The following COL21A1 variants were observed in gnomAD, a reference collection of about 807,000 sequenced individuals.
The protein encoded by COL21A1 is collagen alpha-1(XXI) chain.
In COL21A1, 149 loss-of-function variants were observed where a neutral mutation model predicts 137.9. That is an observed-to-expected ratio of 1.08 (90% confidence interval 0.95 to 1.24). COL21A1 has a LOEUF of 1.24. Ranked by LOEUF, COL21A1 falls within the 50% of genes most tolerant of loss-of-function variation. COL21A1 has a pLI of 0.00. For missense variants in COL21A1, 1,167 were observed against 1,158.4 expected, an observed-to-expected ratio of 1.01 and a Z score of -0.11; for synonymous variants, 456 against 391.5, an observed-to-expected ratio of 1.16 and a Z score of -1.95.
intron 16 of COL21A1, among the ~76,000 whole-genome samples, chr6:56,109,792 C>G (rs1771255592): frequency 6.6e-6 from 1 of 151,902 alleles, no homozygotes; most frequent in Non-Finnish European, 1.5e-5. Flanking sequence ...GACAAATTCA[C>G]TGAAAGGTAC....
At chr6:56,186,315 A>G (rs1461154794) in intron 1 of COL21A1, among the ~76,000 whole-genome samples, 1 of 152,220 alleles carries the variant, frequency 6.6e-6, no homozygotes, top group Non-Finnish European at 1.5e-5. Flanking sequence ...CTCATTTATG[A>G]TAAAACTTTC....
At chr6:56,340,203 G>C (rs566871842) in intron 1 of COL21A1, among the ~76,000 whole-genome samples, 9 of 152,284 alleles carry the variant, frequency 5.9e-5, no homozygotes, top group East Asian at 1.9e-4. Context: ...TCAGTGGCCT[G>C]TTCATCAGTC....
At chr6:56,306,269 T>A (rs1221980173) in intron 1 of COL21A1, among the ~76,000 whole-genome samples, 2 of 147,190 alleles carry the variant, frequency 1.4e-5, no homozygotes, top group South Asian at 2.4e-4. Flanking sequence ...TGAATCTGAA[T>A]GTTGGCCTGC....
intron 1 of COL21A1, among the ~76,000 whole-genome samples, chr6:56,303,994 C>A (rs1287096928): frequency 6.6e-6 from 1 of 151,954 alleles, no homozygotes; most frequent in South Asian, 2.1e-4. Flanking sequence ...GAGAATCATG[C>A]GGTTTTTGTC....
intron 1 of COL21A1, among the ~76,000 whole-genome samples, chr6:56,331,484 G>T (rs1242317396): frequency 6.6e-6 from 1 of 151,812 alleles, no homozygotes; most frequent in Non-Finnish European, 1.5e-5. Flanking sequence ...CCAGTTTCAC[G>T]CTTCTGTATA....
intron 1 of COL21A1, among the ~76,000 whole-genome samples, chr6:56,216,998 G>T (rs1176801580): frequency 6.6e-6 from 1 of 151,984 alleles, no homozygotes; most frequent in East Asian, 1.9e-4. Flanking sequence ...ACATTCAGTT[G>T]TGCACATATT....
chr6:56,200,697 A>C (rs529668336), intron 1 of COL21A1, among the ~76,000 whole-genome samples: 8 of 151,946 alleles, frequency 5.3e-5, no homozygotes, highest in East Asian at 3.9e-4. Context: ...TTCATCCAGT[A>C]TATCATTGTT....
chr6:56,090,781 A>T (rs1459993655), intron 17 of COL21A1, among the ~76,000 whole-genome samples: 2 of 151,770 alleles, frequency 1.3e-5, no homozygotes, highest in East Asian at 3.8e-4. Flanking sequence ...TTCAAATTGT[A>T]CTATCCAAAT....
At chr6:56,379,187 A>G (rs1230054868) in intron 1 of COL21A1, among the ~76,000 whole-genome samples, 1 of 152,252 alleles carries the variant, frequency 6.6e-6, no homozygotes, top group Admixed American at 6.5e-5. Context: ...AACATCTACA[A>G]GTATCAAGAC....
intron 1 of COL21A1, among the ~76,000 whole-genome samples, chr6:56,189,143 C>G (rs1052592822): frequency 1.3e-5 from 2 of 151,980 alleles, no homozygotes; most frequent in Non-Finnish European, 2.9e-5. Context: ...AAGTAGGCTT[C>G]AGAAGGTGGG....
chr6:56,068,101 A>G (rs1398128036), intron 22 of COL21A1, among the ~76,000 whole-genome samples: 1 of 151,678 alleles, frequency 6.6e-6, no homozygotes, highest in Non-Finnish European at 1.5e-5. Context: ...GATTTACTTA[A>G]CATTTACTAA....
At position 56,124,229 on chromosome 6, in the gene COL21A1, T is replaced by C. The variant is rs913226660; in HGVS notation, c.1704+10A>G. 3.8e-6 allele frequency: 6 copies of C among 1,592,788 alleles called. No individual in the cohort carries two copies. Among genetic ancestry groups the C allele is most frequent in the East Asian group, 4.5e-5 (2 of 44,266 alleles). ...GCAAAATACTAAGAGCTTTTTTCTATCAAACTCACAGCAGGTCCAGGGAGG... is the reference window on the plus strand; with the variant it reads ...GCAAAATACTAAGAGCTTTTTTCTACCAAACTCACAGCAGGTCCAGGGAGG... On this transcript the variant is annotated intron_variant, in intron 15 of 29. Transcript: ENST00000244728.
At chr6:56,223,149 G>C (rs1164947866) in intron 1 of COL21A1, among the ~76,000 whole-genome samples, 1 of 152,024 alleles carries the variant, frequency 6.6e-6, no homozygotes, top group Admixed American at 6.6e-5. Flanking sequence ...GGGATAATCA[G>C]TTCATGTATT....
chr6:56,179,519 A>T, intron 3 of COL21A1, 59 bp downstream of exon 3: 1 of 1,290,110 alleles, frequency 7.8e-7, no homozygotes, highest in Admixed American at 2.5e-5. Context: ...TTATATCAAA[A>T]TGTAAAAAGC....
At chr6:56,227,529 C>G (rs1781283769) in intron 1 of COL21A1, among the ~76,000 whole-genome samples, 1 of 151,982 alleles carries the variant, frequency 6.6e-6, no homozygotes, top group Non-Finnish European at 1.5e-5. Flanking sequence ...AACTTCAGAT[C>G]CTGTCTTGAC....
At position 56,159,974 on chromosome 6, in the gene COL21A1, CTGGTCAA is replaced by C. The variant is rs201205502; in HGVS notation, c.1372-3032_1372-3026del. Among the ~76,000 whole-genome samples the C allele has an allele frequency of 5.3e-3, 805 of 152,192 alleles. 17 individuals are homozygous for C. The highest frequency in any genetic ancestry group is 0.049 in the East Asian group (255 of 5,178). On this transcript the variant is annotated intron_variant, in intron 9 of 29. Transcript: ENST00000244728. ...TAAATCCAATGTGACTTCATAAAGA[CTGGTCAA>C]CAGTCTTTATGACACTGGTCAACAG...
intron 1 of COL21A1, among the ~76,000 whole-genome samples, chr6:56,259,704 T>C (rs1486232417): frequency 6.6e-6 from 1 of 152,198 alleles, no homozygotes; most frequent in Admixed American, 6.5e-5. Context: ...CTTGGGAGAG[T>C]TATGCATTAT....
At chr6:56,116,237 G>C (rs566726133) in intron 16 of COL21A1, among the ~76,000 whole-genome samples, 1 of 151,620 alleles carries the variant, frequency 6.6e-6, no homozygotes, top group East Asian at 1.9e-4. Context: ...AACTCTACAA[G>C]GTCAAGGATA....
chr6:56,062,224 G>T (rs1351604954), intron 24 of COL21A1, among the ~76,000 whole-genome samples: 1 of 152,062 alleles, frequency 6.6e-6, no homozygotes, highest in African/African-American at 2.4e-5. Context: ...GTAATTAAGA[G>T]ACCAGAGAAG....
Sources: allele counts gnomAD v4.1 joint callset (sites outside exome capture counted in the v4.1 genomes callset), GRCh38; gene constraint gnomAD v4.1.1; transcripts MANE v1.5; gene names NCBI Gene and HGNC (gene_info 2026-07-23, HGNC 2026-07-21).